Variants in GPR63 observed in about 807,000 individuals in gnomAD.
The protein encoded by GPR63 is G protein-coupled receptor 63.
In GPR63, 12 loss-of-function variants were observed where a neutral mutation model predicts 23.1. The observed-to-expected ratio is 0.52, with a 90% CI of 0.33 to 0.84. The LOEUF (loss-of-function observed/expected upper bound fraction) is 0.84. Among genes scored for constraint, GPR63 ranks in the 40% least tolerant of loss-of-function variants. The probability of loss-of-function intolerance (pLI) is 0.02; values close to 1 mark genes in which losing one functional copy is unlikely to be tolerated. For missense variants in GPR63, 472 were observed against 515.6 expected, an observed-to-expected ratio of 0.92 and a Z score of 0.82; for synonymous variants, 172 against 191.1, an observed-to-expected ratio of 0.90 and a Z score of 0.82.
intron 1 of GPR63, among the ~76,000 whole-genome samples, chr6:96,832,704 G>A (rs2127962407): frequency 6.6e-6 from 1 of 152,052 alleles, no homozygotes; most frequent in East Asian, 1.9e-4. Context: ...TAATATTTGG[G>A]TGATGAAATA....
chr6:96,801,760 A>G (rs1773772247), intron 1 of GPR63, among the ~76,000 whole-genome samples: 1 of 152,174 alleles, frequency 6.6e-6, no homozygotes, highest in Admixed American at 6.5e-5. Flanking sequence ...TGCCCTTACT[A>G]GATTTTATCT....
chr6:96,809,567 G>A (rs1409306554), intron 1 of GPR63, among the ~76,000 whole-genome samples: 1 of 152,076 alleles, frequency 6.6e-6, no homozygotes, highest in African/African-American at 2.4e-5. Context: ...CACTAAGTAT[G>A]TTCTCTTTAT....
intron 1 of GPR63, among the ~76,000 whole-genome samples, chr6:96,801,649 T>G (rs530622348): frequency 6.6e-6 from 1 of 152,188 alleles, no homozygotes; most frequent in Non-Finnish European, 1.5e-5. Flanking sequence ...CAATCCCATC[T>G]TTTTTTGTCC....
At chr6:96,823,747 G>C (rs1211125414) in intron 1 of GPR63, among the ~76,000 whole-genome samples, 1 of 151,752 alleles carries the variant, frequency 6.6e-6, no homozygotes, top group Non-Finnish European at 1.5e-5. Flanking sequence ...CTCTATATGG[G>C]GTACCATTTT....
intron 1 of GPR63, among the ~76,000 whole-genome samples, chr6:96,818,327 G>A (rs1166850719): frequency 6.6e-6 from 1 of 152,048 alleles, no homozygotes; most frequent in East Asian, 1.9e-4. Context: ...GCCAAGTGTG[G>A]TAGTTCGTGT....
At chr6:96,831,776 G>A (rs371875850) in intron 1 of GPR63, among the ~76,000 whole-genome samples, 6 of 151,928 alleles carry the variant, frequency 3.9e-5, no homozygotes, top group East Asian at 1.9e-4. Context: ...CACAGTGATC[G>A]GCACCAGTAA....
Position 96,798,941 on chromosome 6 carries a change from C to A in GPR63, c.791G>T (p.Gly264Val). Residue 264 changes from glycine to valine, a missense_variant, in exon 2 of 2, where the codon GGC becomes GTC. Physicochemically the swap from Gly to Val is moderately radical, Grantham distance 109. Coordinates refer to ENST00000229955, the MANE Select transcript of GPR63 (RefSeq NM_030784.4). Reference protein sequence around the residue: ...PFLVILYSFMGILNTLRHNAL... With the variant: ...PFLVILYSFMVILNTLRHNAL... ...ATTGTGCCGAAGGGTGTTGAGTATG[C>A]CCATAAATGAGTACAGTATTACCAG... 6.2e-7 allele frequency: 1 copy of A among 1,614,030 alleles called. No individual in the cohort carries two copies. The highest frequency in any genetic ancestry group is 8.5e-7 in the Non-Finnish European group (1 of 1,179,992).
chr6:96,805,638 AACAG>A (rs1199990461), intron 1 of GPR63, among the ~76,000 whole-genome samples: 1 of 152,188 alleles, frequency 6.6e-6, no homozygotes, highest in African/African-American at 2.4e-5. Context: ...GCTGAGTTAG[AACAG>A]ACAAACTCAG....
chr6:96,827,274 G>A (rs1049701072), intron 1 of GPR63, among the ~76,000 whole-genome samples: 6 of 151,950 alleles, frequency 3.9e-5, no homozygotes, highest in South Asian at 2.1e-4. Flanking sequence ...AAACTAAATC[G>A]ACAAAGTGGC....
At chr6:96,823,954 C>T (rs1014143961) in intron 1 of GPR63, among the ~76,000 whole-genome samples, 19 of 152,030 alleles carry the variant, frequency 1.2e-4, no homozygotes, top group Non-Finnish European at 2.1e-4. Flanking sequence ...CACACTATGA[C>T]GTTAACACAA....
rs1773596216 is a variant in GPR63 at position 96,796,962 on chromosome 6, A to G, written c.*1510T>C. On this transcript the variant is annotated 3_prime_UTR_variant, in exon 2 of 2. Transcript: ENST00000229955. ...GGTGGCTCATGCCTGTAATCCCAAC[A>G]TTTTGGGAGGCCAAGGCAGGCAGAT... is the stretch of plus-strand genomic sequence containing the variant. The G allele has an allele frequency of 6.6e-6, 1 of 152,172 alleles. No individual in the cohort carries two copies. The highest frequency in any genetic ancestry group is 2.4e-5 in the African/African-American group (1 of 41,422). The allele number at this position is 152,172 out of a possible 1,614,324, so 9.4% of individuals were successfully genotyped here.
chr6:96,829,048 T>A (rs1462069127), intron 1 of GPR63, among the ~76,000 whole-genome samples: 1 of 151,974 alleles, frequency 6.6e-6, no homozygotes, highest in Non-Finnish European at 1.5e-5. Context: ...AAATAATAAA[T>A]CCATAATTAT....
In GPR63 at chr6:96,799,166, T is replaced by C. The variant is rs1327464099; in HGVS notation, c.566A>G (p.Lys189Arg). The C allele has an allele frequency of 5.0e-6, 8 of 1,614,022 alleles. No homozygotes were observed. Among genetic ancestry groups the C allele is most frequent in the Non-Finnish European group, 5.9e-6 (7 of 1,180,036 alleles). Reference protein sequence around the residue: ...RFLIIVQRQDKLNPYRAKVLI... With the variant: ...RFLIIVQRQDRLNPYRAKVLI... Reference sequence around the variant, plus strand: ...AACCTTAGCTCTATATGGGTTTAGCTTATCCTGCCTCTGGACTATAATAAG... The same window carrying C: ...AACCTTAGCTCTATATGGGTTTAGCCTATCCTGCCTCTGGACTATAATAAG... The change falls in exon 2 of 2, where the codon AAG (lysine) becomes AGG (arginine). Residue 189 changes from lysine (K) to arginine (R), a missense_variant. By Grantham distance (26) the Lys-to-Arg change is conservative. Transcript: ENST00000229955.
In GPR63 at chr6:96,799,895, C is replaced by A; in HGVS notation, c.-150-14G>T. On this transcript the variant is annotated splice_polypyrimidine_tract_variant and intron_variant, in intron 1 of 1. Transcript: ENST00000229955. Reference sequence around the variant, plus strand: ...GAGTCCTTTTGCCTGAAAATAAAACCAAAACACAAAAAGTAAATGAGAAAT... The same window carrying A: ...GAGTCCTTTTGCCTGAAAATAAAACAAAAACACAAAAAGTAAATGAGAAAT... 3.0e-6 allele frequency: 2 copies of A among 665,184 alleles called. No homozygotes were observed. Among genetic ancestry groups the A allele is most frequent in the Admixed American group, 2.8e-5 (1 of 35,118 alleles). The allele number at this position is 665,184 out of a possible 1,614,324, so 41.2% of individuals were successfully genotyped here.
At chr6:96,817,637 T>C (rs1189490007) in intron 1 of GPR63, among the ~76,000 whole-genome samples, 1 of 152,160 alleles carries the variant, frequency 6.6e-6, no homozygotes, top group Non-Finnish European at 1.5e-5. Flanking sequence ...ATTATATTCA[T>C]ATAATCAAAT....
Position 96,794,629 on chromosome 6 carries a change from T to G in GPR63, c.*3843A>C, listed in dbSNP as rs1562108542. 6.6e-6 allele frequency: 1 copy of G among 152,242 alleles called. No individual in the cohort carries two copies. Among genetic ancestry groups the G allele is most frequent in the Non-Finnish European group, 1.5e-5 (1 of 68,042 alleles). The allele number at this position is 152,242 out of a possible 1,614,324, so 9.4% of individuals were successfully genotyped here. ...ATACACATATTAAAAAGGTTATTTT[T>G]ATTTTACTTCAATGCTTGCATTGAA... On this transcript the variant is annotated 3_prime_UTR_variant, in exon 2 of 2. Coordinates refer to ENST00000229955, the MANE Select transcript of GPR63 (RefSeq NM_030784.4).
At chr6:96,814,686 G>A (rs866230106) in intron 1 of GPR63, among the ~76,000 whole-genome samples, 18 of 152,224 alleles carry the variant, frequency 1.2e-4, no homozygotes, top group Middle Eastern at 6.8e-3. Context: ...TGTTAAAAAT[G>A]CTGTCCCTCA....
At chr6:96,818,622 T>C (rs1774222618) in intron 1 of GPR63, among the ~76,000 whole-genome samples, 1 of 152,240 alleles carries the variant, frequency 6.6e-6, no homozygotes, top group African/African-American at 2.4e-5. Context: ...AATATTATGC[T>C]AGCATATTGA....
intron 1 of GPR63, among the ~76,000 whole-genome samples, chr6:96,821,247 A>T (rs1318231758): frequency 1.3e-5 from 2 of 152,256 alleles, no homozygotes; most frequent in Non-Finnish European, 2.9e-5. Context: ...TAGCAGTTTC[A>T]CTTAAGTCAG....
Sources: allele counts gnomAD v4.1 joint callset (sites outside exome capture counted in the v4.1 genomes callset), GRCh38; gene constraint gnomAD v4.1.1; transcripts MANE v1.5; gene names NCBI Gene and HGNC (gene_info 2026-07-23, HGNC 2026-07-21).